OSBPL10: variants seen among roughly 807,000 people sequenced by gnomAD.
The protein encoded by OSBPL10 is oxysterol-binding protein-related protein 10.
A neutral mutation model predicts 81.7 loss-of-function variants in OSBPL10; 49 were observed. The observed-to-expected ratio is 0.60, with a 90% confidence interval of 0.48 to 0.76. OSBPL10 has a LOEUF of 0.76. Ranked by LOEUF, OSBPL10 falls within the 30% of genes least tolerant of loss-of-function variation. OSBPL10 has a pLI of 0.00. For missense variants in OSBPL10, 923 were observed against 987.8 expected (o/e 0.93, Z 0.88); for synonymous variants, 419 against 383.6 (o/e 1.09, Z -1.08).
chr3:31,721,058 T>G (rs1239292105), intron 6 of OSBPL10, among the ~76,000 whole-genome samples: 1 of 151,844 alleles, frequency 6.6e-6, no homozygotes, highest in Non-Finnish European at 1.5e-5. Context: ...CAAGGGCCCT[T>G]AAGAGTGGAA....
chr3:31,672,366 G>A (rs1354318207), intron 8 of OSBPL10, among the ~76,000 whole-genome samples: 1 of 121,930 alleles, frequency 8.2e-6, no homozygotes, highest in African/African-American at 2.9e-5. Flanking sequence ...GGGGGCGGGG[G>A]GGGGGGCAGG....
intron 2 of OSBPL10, among the ~76,000 whole-genome samples, chr3:31,877,742 G>A (rs1701516161): frequency 6.6e-6 from 1 of 152,094 alleles, no homozygotes; most frequent in East Asian, 1.9e-4. Context: ...CATGAAGATG[G>A]CCCCTACAAA....
At chr3:31,848,599 G>C (rs951465091) in intron 3 of OSBPL10, among the ~76,000 whole-genome samples, 4 of 152,014 alleles carry the variant, frequency 2.6e-5, no homozygotes, top group Admixed American at 2.0e-4. Flanking sequence ...CCTTTTAATT[G>C]CATTTCTGCC....
intron 2 of OSBPL10, among the ~76,000 whole-genome samples, chr3:31,996,668 G>A (rs1699092996): frequency 1.3e-5 from 2 of 152,080 alleles, no homozygotes; most frequent in African/African-American, 2.4e-5. Flanking sequence ...GGGTGCTGAC[G>A]TTTCTTTTTG....
In OSBPL10 at chr3:31,809,985, C is replaced by T. The variant is rs144420152; in HGVS notation, c.729+20055G>A. On this transcript the variant is annotated intron_variant, in intron 4 of 11. Transcript: ENST00000396556. ...CTCCTGGATTCAAGCGATTCTCCTG[C>T]CTCAGTCTCCCGAGTAGCTGGGATT... 3.2e-3 allele frequency among the ~76,000 whole-genome samples: 483 copies of T among 150,682 alleles called. 3 individuals are homozygous for T. The highest frequency in any genetic ancestry group is 0.011 in the African/African-American group (436 of 40,556).
At chr3:31,988,745 G>C in intron 2 of OSBPL10, 1 of 315,206 alleles carries the variant, frequency 3.2e-6, no homozygotes. Context: ...AGGTGTGCCA[G>C]CCACTGTGTC....
At chr3:31,882,382 G>T (rs1695607043) in intron 1 of OSBPL10, among the ~76,000 whole-genome samples, 1 of 152,158 alleles carries the variant, frequency 6.6e-6, no homozygotes, top group African/African-American at 2.4e-5. Flanking sequence ...GCTATTCAAA[G>T]TGTGATCCCC....
At chr3:31,787,729 T>C (rs545828645) in intron 4 of OSBPL10, among the ~76,000 whole-genome samples, 9 of 152,294 alleles carry the variant, frequency 5.9e-5, no homozygotes, top group Non-Finnish European at 1.3e-4. Flanking sequence ...AGTCCTAGAT[T>C]GGTTCACAGT....
At chr3:31,909,709 G>C (rs1052519251) in intron 1 of OSBPL10, among the ~76,000 whole-genome samples, 4 of 151,966 alleles carry the variant, frequency 2.6e-5, no homozygotes, top group Non-Finnish European at 5.9e-5. Context: ...AACCCTCAGC[G>C]ACCACATCAG....
intron 3 of OSBPL10, among the ~76,000 whole-genome samples, chr3:31,853,201 C>A (rs1231292315): frequency 6.6e-6 from 1 of 152,136 alleles, no homozygotes; most frequent in Non-Finnish European, 1.5e-5. Flanking sequence ...CATCAGCAAC[C>A]TTTTCTAGTT....
intron 6 of OSBPL10, chr3:31,703,578 A>T (rs1002937183): frequency 6.6e-6 from 1 of 152,248 alleles, no homozygotes; most frequent in African/African-American, 2.4e-5. Context: ...AGGTTATTTT[A>T]GTGGTCAAGG....
intron 2 of OSBPL10, among the ~76,000 whole-genome samples, chr3:32,011,975 C>A (rs1347109816): frequency 6.6e-6 from 1 of 152,168 alleles, no homozygotes; most frequent in African/African-American, 2.4e-5. Flanking sequence ...GATTGGTGTA[C>A]CTGAAAGTGA....
At chr3:31,801,028 TA>T (rs974649861) in intron 4 of OSBPL10, among the ~76,000 whole-genome samples, 18 of 151,832 alleles carry the variant, frequency 1.2e-4, no homozygotes, top group Admixed American at 3.3e-4. Context: ...TACATAAAGA[TA>T]AGGCTACTGA....
intron 4 of OSBPL10, among the ~76,000 whole-genome samples, chr3:31,761,471 CAAAAAA>C (rs112468280): frequency 3.0e-4 from 17 of 56,036 alleles, no homozygotes; most frequent in African/African-American, 1.0e-3. Flanking sequence ...GACTCCATTT[CAAAAAA>C]AAAAAAAAAA....
chr3:31,853,967 G>C (rs1161497721), intron 3 of OSBPL10, among the ~76,000 whole-genome samples: 2 of 152,180 alleles, frequency 1.3e-5, no homozygotes, highest in African/African-American at 4.8e-5. Flanking sequence ...TATCTTATAA[G>C]GATATTGTAA....
intron 4 of OSBPL10, among the ~76,000 whole-genome samples, chr3:31,756,546 T>C (rs1697895002): frequency 6.6e-6 from 1 of 152,238 alleles, no homozygotes; most frequent in South Asian, 2.1e-4. Flanking sequence ...AATTTATATC[T>C]ACACACACAG....
chr3:31,727,315 C>G (rs755545207), intron 6 of OSBPL10, among the ~76,000 whole-genome samples: 8 of 151,866 alleles, frequency 5.3e-5, no homozygotes, highest in Admixed American at 3.3e-4. Flanking sequence ...GTTAAACAAC[C>G]ACTCGAGTTT....
rs539205083 is a variant in OSBPL10, at chr3:31,781,400, A to T, written c.730-33280T>A. Among the ~76,000 whole-genome samples, 40 of 152,318 alleles carry T rather than the reference A, an allele frequency of 2.6e-4. 1 individual carries two copies. The South Asian group carries it at 8.3e-3, about 32-fold the overall frequency. On this transcript the variant is annotated intron_variant, in intron 4 of 11. Coordinates refer to ENST00000396556, the MANE Select transcript of OSBPL10 (RefSeq NM_017784.5). ...TGAAAGCATTCCCCCTGAGAACTGG[A>T]ACAAGACAAGGATGCCCACTTTCAC...
intron 4 of OSBPL10, among the ~76,000 whole-genome samples, chr3:31,775,688 G>A (rs1410858643): frequency 6.6e-6 from 1 of 152,090 alleles, no homozygotes; most frequent in African/African-American, 2.4e-5. Context: ...GGACGGTGGG[G>A]AACACAGTGT....
Sources: allele counts gnomAD v4.1 joint callset (sites outside exome capture counted in the v4.1 genomes callset), GRCh38; gene constraint gnomAD v4.1.1; transcripts MANE v1.5; gene names NCBI Gene and HGNC (gene_info 2026-07-23, HGNC 2026-07-21).